Variants in KIAA0319L observed in about 807,000 individuals in gnomAD.
KIAA0319L encodes dyslexia-associated protein KIAA0319-like protein.
KIAA0319L carries 55 observed loss-of-function variants against 120.1 expected under a neutral mutation model. That is an observed-to-expected ratio of 0.46 (90% CI 0.37 to 0.57). The LOEUF (loss-of-function observed/expected upper bound fraction) is 0.57, where lower values mean the gene tolerates loss of function less well. KIAA0319L is among the 20% of genes least tolerant of loss of function. The pLI is 0.00. For missense variants in KIAA0319L, 1,049 were observed against 1,255.3 expected (o/e 0.84, Z 2.48); for synonymous variants, 398 against 471.9 (o/e 0.84, Z 2.03).
intron 2 of KIAA0319L, among the ~76,000 whole-genome samples, chr1:35,513,635 A>G (rs1170085528): frequency 6.6e-6 from 1 of 152,164 alleles, no homozygotes; most frequent in Admixed American, 6.6e-5. Flanking sequence ...ACAAAACAAA[A>G]ATAATATACA....
intron 6 of KIAA0319L, among the ~76,000 whole-genome samples, chr1:35,470,148 C>T (rs1643525094): frequency 6.6e-6 from 1 of 152,056 alleles, no homozygotes; most frequent in Non-Finnish European, 1.5e-5. Flanking sequence ...GCTTGGATTA[C>T]AGGCGGGAGC....
intron 2 of KIAA0319L, among the ~76,000 whole-genome samples, chr1:35,546,118 G>C (rs573545698): frequency 6.6e-6 from 1 of 152,170 alleles, no homozygotes. Flanking sequence ...TTTGGAAGTA[G>C]TGAGCACACA....
intron 6 of KIAA0319L, among the ~76,000 whole-genome samples, chr1:35,470,626 C>T (rs953555665): frequency 1.3e-5 from 2 of 152,088 alleles, no homozygotes; most frequent in African/African-American, 2.4e-5. Context: ...CCTTAAAAGC[C>T]GTTTAGTGTA....
At chr1:35,474,072 C>T (rs1643802568) in intron 5 of KIAA0319L, among the ~76,000 whole-genome samples, 1 of 152,178 alleles carries the variant, frequency 6.6e-6, no homozygotes, top group South Asian at 2.1e-4. Context: ...TTGTATATCA[C>T]ATTAGGCTTA....
chr1:35,520,559 AT>A (rs1027671935), intron 2 of KIAA0319L, among the ~76,000 whole-genome samples: 3 of 152,000 alleles, frequency 2.0e-5, no homozygotes, highest in African/African-American at 7.2e-5. Context: ...ACACCCAGCT[AT>A]TTTTTTATGT....
At chr1:35,448,783 T>G (rs1641830942) in intron 15 of KIAA0319L, among the ~76,000 whole-genome samples, 2 of 152,162 alleles carry the variant, frequency 1.3e-5, no homozygotes, top group Admixed American at 6.5e-5. Context: ...AGTGTCCATC[T>G]CAACAACCTC....
At chr1:35,500,863 G>A (rs1381621989) in intron 3 of KIAA0319L, among the ~76,000 whole-genome samples, 1 of 151,994 alleles carries the variant, frequency 6.6e-6, no homozygotes, top group Non-Finnish European at 1.5e-5. Context: ...TGGCCTTCAG[G>A]GTAAGAAGCT....
At chr1:35,435,398 G>T (rs1640706442) in intron 20 of KIAA0319L, 1 of 243,348 alleles carries the variant, frequency 4.1e-6, no homozygotes, top group Non-Finnish European at 7.8e-6. Context: ...TTCAAATTTG[G>T]AATATTTTAT....
chr1:35,551,650 TA>T lies in KIAA0319L; in HGVS notation c.142+2699del, dbSNP rs756309613. 3.3e-5 allele frequency among the ~76,000 whole-genome samples: 5 copies of T among 149,996 alleles called. No homozygotes were observed. The South Asian group carries it at 6.3e-4, about 19-fold the overall frequency. On this transcript the variant is annotated intron_variant, in intron 2 of 20. Transcript: ENST00000325722. The stretch of plus-strand genomic sequence containing the variant: ...ATTTTTTCTATTAGGATATTCCTTT[TA>T]AAAAAAAAATGGGAAGGAGCTCCAA...
chr1:35,500,463 T>G (rs1644964618), intron 3 of KIAA0319L, among the ~76,000 whole-genome samples: 1 of 152,194 alleles, frequency 6.6e-6, no homozygotes, highest in Non-Finnish European at 1.5e-5. Flanking sequence ...TTGATGACAT[T>G]CCTTTCTACT....
chr1:35,532,629 G>C (rs1356801482), intron 2 of KIAA0319L, among the ~76,000 whole-genome samples: 2 of 152,126 alleles, frequency 1.3e-5, no homozygotes, highest in Non-Finnish European at 2.9e-5. Context: ...GAAGTAACTG[G>C]GATAAAAGGT....
chr1:35,436,511 C>CA (rs1486056119), intron 20 of KIAA0319L, among the ~76,000 whole-genome samples: 2 of 152,232 alleles, frequency 1.3e-5, no homozygotes, highest in Non-Finnish European at 2.9e-5. Context: ...CCAGGTCCTC[C>CA]AAAGGCCCTG....
At chr1:35,532,979 C>T (rs2148472744) in intron 2 of KIAA0319L, 1 of 152,332 alleles carries the variant, frequency 6.6e-6, no homozygotes, top group Middle Eastern at 3.4e-3. Context: ...ACTTACATCA[C>T]CACCTCTCAA....
rs1049921708 is a variant in KIAA0319L, at chr1:35,443,214, A to C, written c.2657-186T>G. 24 of 605,674 alleles carry C rather than the reference A, an allele frequency of 4.0e-5. 1 individual carries two copies. Among genetic ancestry groups the C allele is most frequent in the Middle Eastern group, 8.8e-4 (2 of 2,260 alleles). The allele number at this position is 605,674 out of a possible 1,614,324, so 37.5% of individuals were successfully genotyped here. A position where few individuals can be genotyped will look rare whatever the true frequency, so the allele number is the denominator to read the frequency against. On this transcript the variant is annotated intron_variant, in intron 17 of 20. Coordinates refer to ENST00000325722, the MANE Select transcript of KIAA0319L (RefSeq NM_024874.5). The stretch of plus-strand genomic sequence containing the variant: ...ACTGGACAAAACTGGAGCAGTCAGG[A>C]GGCCACTAGAAAGACACTTCCAGCC...
At chr1:35,503,596 T>C (rs972371662) in intron 3 of KIAA0319L, among the ~76,000 whole-genome samples, 9 of 152,212 alleles carry the variant, frequency 5.9e-5, no homozygotes, top group African/African-American at 2.2e-4. Context: ...TCTAAGGGAT[T>C]ATTCATTATT....
At chr1:35,511,088 C>T (rs1264428521) in intron 2 of KIAA0319L, 1 of 152,290 alleles carries the variant, frequency 6.6e-6, no homozygotes, top group Non-Finnish European at 1.5e-5. Flanking sequence ...AGGAGAGAAA[C>T]TCTATCACCA....
chr1:35,481,131 CTTT>C (rs1233767707), intron 3 of KIAA0319L, among the ~76,000 whole-genome samples: 1 of 152,102 alleles, frequency 6.6e-6, no homozygotes, highest in African/African-American at 2.4e-5. Context: ...GTAGTACATT[CTTT>C]TTTATTACTG....
intron 3 of KIAA0319L, among the ~76,000 whole-genome samples, chr1:35,483,236 T>C (rs1174250939): frequency 6.6e-6 from 1 of 152,246 alleles, no homozygotes; most frequent in Non-Finnish European, 1.5e-5. Context: ...AACAAAAATT[T>C]GTAATTTTGA....
At chr1:35,487,782 G>A (rs536218297) in intron 3 of KIAA0319L, among the ~76,000 whole-genome samples, 5 of 152,276 alleles carry the variant, frequency 3.3e-5, no homozygotes, top group African/African-American at 1.2e-4. Flanking sequence ...GCAAACTTAC[G>A]AAGTTCACCT....
Sources: allele counts gnomAD v4.1 joint callset (sites outside exome capture counted in the v4.1 genomes callset), GRCh38; gene constraint gnomAD v4.1.1; transcripts MANE v1.5; gene names NCBI Gene and HGNC (gene_info 2026-07-23, HGNC 2026-07-21).